RAB30: variants seen among roughly 807,000 people sequenced by gnomAD.
The protein encoded by RAB30 is ras-related protein Rab-30.
RAB30 carries 9 observed loss-of-function variants against 25.1 expected under a neutral mutation model. The ratio of observed to expected loss-of-function variants is 0.36; its 90% CI spans 0.22 to 0.63. RAB30 has a LOEUF of 0.63. Among genes scored for constraint, RAB30 ranks in the 20% least tolerant of loss-of-function variants. The probability of loss-of-function intolerance (pLI) is 0.69; values close to 1 mark genes in which losing one functional copy is unlikely to be tolerated. For synonymous variants in RAB30, 77 were observed against 86.4 expected, an observed-to-expected ratio of 0.89 and a Z score of 0.60; for missense variants, 140 against 243.5, an observed-to-expected ratio of 0.58 and a Z score of 2.83.
chr11:83,058,137 C>A (rs560801732), intron 1 of RAB30, among the ~76,000 whole-genome samples: 1 of 152,202 alleles, frequency 6.6e-6, no homozygotes, highest in Non-Finnish European at 1.5e-5. Flanking sequence ...TACTCAAATG[C>A]TTTACATTTT....
At chr11:83,034,570 A>C (rs1219714508) in intron 1 of RAB30, 1 of 152,196 alleles carries the variant, frequency 6.6e-6, no homozygotes, top group African/African-American at 2.4e-5. Flanking sequence ...ATTATGAAAC[A>C]GTCATTTAAA....
At chr11:82,990,019 T>C (rs969936362) in intron 3 of RAB30, among the ~76,000 whole-genome samples, 2 of 152,186 alleles carry the variant, frequency 1.3e-5, no homozygotes, top group Non-Finnish European at 2.9e-5. Flanking sequence ...CACAGTTAAT[T>C]AACTATAGCA....
intron 1 of RAB30, among the ~76,000 whole-genome samples, chr11:82,998,347 G>A (rs1320812005): frequency 6.6e-6 from 1 of 152,114 alleles, no homozygotes; most frequent in Non-Finnish European, 1.5e-5. Flanking sequence ...GTCTACTTCA[G>A]TGGACTGCTG....
intron 1 of RAB30, among the ~76,000 whole-genome samples, chr11:83,062,348 C>G (rs997629024): frequency 6.6e-6 from 1 of 152,188 alleles, no homozygotes; most frequent in African/African-American, 2.4e-5. Flanking sequence ...ATTGAAGACT[C>G]TCATTAAAAG....
At chr11:82,992,394 T>C (rs1856868824) in intron 3 of RAB30, 1 of 456,018 alleles carries the variant, frequency 2.2e-6, no homozygotes, top group Admixed American at 2.3e-5. Context: ...TGAGCTATTT[T>C]AAGGAGTCAG....
chr11:83,065,764 TA>T (rs1437632035), intron 1 of RAB30, among the ~76,000 whole-genome samples: 2 of 152,186 alleles, frequency 1.3e-5, no homozygotes, highest in Non-Finnish European at 2.9e-5. Flanking sequence ...GAGCACCAGC[TA>T]TACCAAGCAT....
chr11:82,982,228 T>C lies in RAB30; in HGVS notation c.549A>G (p.Val183=), dbSNP rs747598336. Residue 183 remains valine (V), a synonymous_variant, in exon 5 of 5, where the codon GTA becomes GTG. Transcript: ENST00000527633. The part of the protein sequence containing the change: ...EARQNTLVNN[V]SSPLPGEGKS... Reference sequence around the variant, plus strand: ...TCCCTTCTCCAGGTAAGGGTGAGGATACATTGTTCACAAGTGTGTTCTGTC... The same window carrying C: ...TCCCTTCTCCAGGTAAGGGTGAGGACACATTGTTCACAAGTGTGTTCTGTC... 9 of 1,614,126 alleles carry C rather than the reference T, an allele frequency of 5.6e-6. No individual in the cohort carries two copies. Among genetic ancestry groups the C allele is most frequent in the Non-Finnish European group, 6.8e-6 (8 of 1,180,042 alleles).
chr11:83,022,030 G>C (rs1360138960), intron 1 of RAB30, among the ~76,000 whole-genome samples: 1 of 152,108 alleles, frequency 6.6e-6, no homozygotes, highest in Non-Finnish European at 1.5e-5. Flanking sequence ...AGTACTTCTT[G>C]GTTTGATCAC....
At chr11:83,040,362 G>A (rs971238750) in intron 1 of RAB30, among the ~76,000 whole-genome samples, 1 of 152,170 alleles carries the variant, frequency 6.6e-6, no homozygotes, top group Non-Finnish European at 1.5e-5. Context: ...GCCGAGTTGG[G>A]TGGATCACCT....
chr11:83,016,717 T>G (rs866350361), intron 1 of RAB30, among the ~76,000 whole-genome samples: 2 of 152,280 alleles, frequency 1.3e-5, no homozygotes, highest in South Asian at 2.1e-4. Flanking sequence ...ACAACAGCAT[T>G]TGCAAAAGGT....
chr11:83,061,398 A>AT (rs2121520650), intron 1 of RAB30, among the ~76,000 whole-genome samples: 1 of 152,276 alleles, frequency 6.6e-6, no homozygotes, highest in East Asian at 1.9e-4. Context: ...GATCAGAAAA[A>AT]TTTTTTAAAA....
chr11:83,060,683 G>T (rs1289472530), intron 1 of RAB30, among the ~76,000 whole-genome samples: 1 of 151,996 alleles, frequency 6.6e-6, no homozygotes, highest in Non-Finnish European at 1.5e-5. Context: ...ATCATAAAAG[G>T]CAAAAAAGGC....
chr11:82,991,557 C>A (rs1438097061), intron 3 of RAB30, among the ~76,000 whole-genome samples: 1 of 145,534 alleles, frequency 6.9e-6, no homozygotes, highest in Non-Finnish European at 1.5e-5. Flanking sequence ...CTATGCAGTT[C>A]TGCCCTCTTC....
chr11:83,028,536 A>G (rs1210895947), intron 1 of RAB30, among the ~76,000 whole-genome samples: 2 of 152,204 alleles, frequency 1.3e-5, no homozygotes, highest in Admixed American at 6.5e-5. Context: ...AAGATTTTAC[A>G]AACTGTCAGA....
chr11:83,065,277 C>A (rs561120876), intron 1 of RAB30, among the ~76,000 whole-genome samples: 8 of 152,234 alleles, frequency 5.3e-5, no homozygotes, highest in African/African-American at 1.9e-4. Context: ...GTGGTCCCCA[C>A]TGCTCAGGAG....
chr11:83,068,283 A>G (rs1198995442), intron 1 of RAB30, among the ~76,000 whole-genome samples: 1 of 151,622 alleles, frequency 6.6e-6, no homozygotes, highest in African/African-American at 2.4e-5. Context: ...GGGCAACAAG[A>G]GCAAAACTCT....
intron 1 of RAB30, among the ~76,000 whole-genome samples, chr11:83,024,421 T>C (rs1442812012): frequency 1.3e-5 from 2 of 152,196 alleles, no homozygotes; most frequent in African/African-American, 4.8e-5. Flanking sequence ...CTCTGGACTC[T>C]AGGATGACTC....
At chr11:82,985,718 T>G (rs925301705) in intron 4 of RAB30, among the ~76,000 whole-genome samples, 4 of 150,782 alleles carry the variant, frequency 2.7e-5, no homozygotes, top group African/African-American at 9.8e-5. Context: ...ACTTGGCTTT[T>G]TTTTTTTTTT....
intron 1 of RAB30, among the ~76,000 whole-genome samples, chr11:83,014,670 G>GAAAGAAAGAAAGAAAGAA (rs1857387595): frequency 1.4e-5 from 2 of 145,684 alleles, no homozygotes; most frequent in East Asian, 4.0e-4. Context: ...AAGAAAGAAA[G>GAAAGAAAGAAAGAAAGAA]AAAGAAAGAA....
Sources: allele counts gnomAD v4.1 joint callset (sites outside exome capture counted in the v4.1 genomes callset), GRCh38; gene constraint gnomAD v4.1.1; transcripts MANE v1.5; gene names NCBI Gene and HGNC (gene_info 2026-07-23, HGNC 2026-07-21).